The following NSUN6 variants were observed in gnomAD, a reference collection of about 807,000 sequenced individuals.
The protein encoded by NSUN6 is tRNA (cytosine(72)-C(5))-methyltransferase NSUN6.
NSUN6 carries 64 observed loss-of-function variants against 58.0 expected under a neutral mutation model. The ratio of observed to expected loss-of-function variants is 1.10; its 90% CI spans 0.90 to 1.36. NSUN6 has a LOEUF of 1.36. Among genes scored for constraint, NSUN6 ranks in the 40% most tolerant of loss-of-function variants. NSUN6 has a pLI of 0.00. For synonymous variants in NSUN6, 231 were observed against 193.9 expected, an observed-to-expected ratio of 1.19 and a Z score of -1.59; for missense variants, 701 against 550.1, an observed-to-expected ratio of 1.27 and a Z score of -2.74.
At chr10:18,659,027 C>G (rs1210056974), upstream of NSUN6, among the ~76,000 whole-genome samples, 1 of 152,190 alleles carries the variant, frequency 6.6e-6, no homozygotes, top group Non-Finnish European at 1.5e-5. Context: ...GAGCAGCAAA[C>G]GGCGGCTGCT....
intron 3 of NSUN6, among the ~76,000 whole-genome samples, chr10:18,630,790 C>T (rs2059003212): frequency 6.6e-6 from 1 of 152,142 alleles, no homozygotes; most frequent in Admixed American, 6.6e-5. Flanking sequence ...GAGTCCAGTA[C>T]CAGATGGATT....
intron 3 of NSUN6, among the ~76,000 whole-genome samples, chr10:18,634,167 CA>C (rs1477623635): frequency 2.6e-5 from 4 of 151,860 alleles, no homozygotes; most frequent in Non-Finnish European, 4.4e-5. Context: ...GTAAACCAAA[CA>C]AAAGGAAAAA....
chr10:18,631,056 T>C (rs2059013020), intron 3 of NSUN6, among the ~76,000 whole-genome samples: 1 of 152,078 alleles, frequency 6.6e-6, no homozygotes, highest in African/African-American at 2.4e-5. Flanking sequence ...TTATCCACCA[T>C]GATCAAGTGG....
intron 8 of NSUN6, among the ~76,000 whole-genome samples, chr10:18,573,822 C>T (rs565743354): frequency 2.5e-4 from 38 of 152,202 alleles, no homozygotes; most frequent in Admixed American, 2.2e-3. Flanking sequence ...GAGGGAATCA[C>T]GTCCCTACCC....
rs143012473 is a variant in NSUN6, at chr10:18,604,297, CT to C, written c.657+5547del. On this transcript the variant is annotated intron_variant, in intron 6 of 10. Coordinates refer to ENST00000377304, the MANE Select transcript of NSUN6 (RefSeq NM_182543.5). ...ACCTACATGTTTATACTTCAAGGAT[CT>C]AAGCAAGTTTCCACAATACACATTT... 8.8e-3 allele frequency among the ~76,000 whole-genome samples: 1,335 copies of C among 152,306 alleles called. 16 individuals are homozygous for C. Among genetic ancestry groups the C allele is most frequent in the South Asian group, 0.033 (160 of 4,828 alleles).
At chr10:18,636,978 TTG>T (rs1327604388) in intron 3 of NSUN6, among the ~76,000 whole-genome samples, 72 of 111,468 alleles carry the variant, frequency 6.5e-4, no homozygotes, top group Non-Finnish European at 1.1e-3. Context: ...TTTTTTTTTT[TTG>T]AGATGGAGTT....
At chr10:18,575,741 G>A (rs769135501) in intron 8 of NSUN6, among the ~76,000 whole-genome samples, 1 of 152,120 alleles carries the variant, frequency 6.6e-6, no homozygotes, top group African/African-American at 2.4e-5. Context: ...AAAGATACTG[G>A]TCTTTCTCCT....
intron 10 of NSUN6, among the ~76,000 whole-genome samples, chr10:18,547,774 T>C (rs917297541): frequency 2.0e-5 from 3 of 149,458 alleles, no homozygotes; most frequent in South Asian, 2.2e-4. Context: ...ACATTTTCCA[T>C]GTCAGAAAAA....
intron 1 of NSUN6, among the ~76,000 whole-genome samples, chr10:18,649,447 G>A (rs1053919633): frequency 3.3e-5 from 5 of 151,970 alleles, no homozygotes; most frequent in African/African-American, 1.2e-4. Flanking sequence ...GCAACATGGT[G>A]AAACCCCATC....
At chr10:18,654,026 A>T (rs530759213), upstream of NSUN6, among the ~76,000 whole-genome samples, 5 of 152,298 alleles carry the variant, frequency 3.3e-5, no homozygotes, top group Admixed American at 3.3e-4. Flanking sequence ...AGGGTATGGG[A>T]GAATTAGCAG....
At chr10:18,614,137 T>C (rs527943298) in intron 5 of NSUN6, among the ~76,000 whole-genome samples, 1 of 152,244 alleles carries the variant, frequency 6.6e-6, no homozygotes, top group South Asian at 2.1e-4. Context: ...ATGATCTGGA[T>C]AGATCATCTA....
rs753664099 is a variant in NSUN6 at position 18,614,580 on chromosome 10, G to C, written c.455C>G (p.Ser152Cys). ...MKAGDVISVY[S>C]DIKGKCKKGA... ...TTTCTTACATTTTCCTTTAATATCA[G>C]AGTATACAGAAATAACATCTCCAGC... is the stretch of plus-strand genomic sequence containing the variant. The change falls in exon 5 of 11, where the codon TCT becomes TGT. Residue 152 changes from serine to cysteine, a missense_variant. By Grantham distance (112) the Ser-to-Cys change is moderately radical. Transcript: ENST00000377304. 7 of 1,478,486 alleles carry C rather than the reference G, an allele frequency of 4.7e-6. No individual in the cohort carries two copies. In the Admixed American group the frequency reaches 8.9e-5, roughly 19 times the overall value. 91.6% of individuals were successfully genotyped at this position (1,478,486 alleles called of 1,614,324 possible).
At chr10:18,617,025 C>G (rs897816210) in intron 3 of NSUN6, among the ~76,000 whole-genome samples, 6 of 152,078 alleles carry the variant, frequency 3.9e-5, no homozygotes, top group African/African-American at 1.4e-4. Flanking sequence ...CCCAAACATT[C>G]TCATTGCTCA....
chr10:18,552,120 T>C (rs1471159742), intron 8 of NSUN6, 149 bp from the exon 9 acceptor site: 1 of 582,846 alleles, frequency 1.7e-6, no homozygotes, highest in Non-Finnish European at 3.0e-6. Flanking sequence ...TAAACTAATT[T>C]TGACTTATAC....
At chr10:18,626,357 C>T (rs1302495676) in intron 3 of NSUN6, among the ~76,000 whole-genome samples, 12 of 151,820 alleles carry the variant, frequency 7.9e-5, no homozygotes, top group African/African-American at 2.4e-4. Context: ...CTGGGCAACA[C>T]GGCGAGACCC....
chr10:18,651,238 G>A lies in NSUN6; in HGVS notation c.-35C>T, dbSNP rs751693000. On this transcript the variant is annotated 5_prime_UTR_variant, in exon 1 of 11. Transcript: ENST00000377304. ...TGTTTAGTTCTCCACCAAGAGAAAT[G>A]CTGGAAAACGGTGTTTTGTTTTTTT... 36 of 1,511,274 alleles carry A rather than the reference G, an allele frequency of 2.4e-5. No homozygotes were observed. Among genetic ancestry groups the A allele is most frequent in the Non-Finnish European group, 3.1e-5 (35 of 1,135,724 alleles). The allele number at this position is 1,511,274 out of a possible 1,614,324, so 93.6% of individuals were successfully genotyped here.
intron 3 of NSUN6, among the ~76,000 whole-genome samples, chr10:18,627,433 C>T (rs1423799286): frequency 6.6e-6 from 1 of 152,178 alleles, no homozygotes; most frequent in Admixed American, 6.5e-5. Context: ...AGGAACAGCT[C>T]CGGTCTACAG....
intron 8 of NSUN6, among the ~76,000 whole-genome samples, chr10:18,554,436 G>A (rs1211627949): frequency 6.6e-6 from 1 of 150,948 alleles, no homozygotes; most frequent in South Asian, 2.1e-4. Flanking sequence ...AACGGACAAC[G>A]GAATGGAATG....
At chr10:18,590,568 A>G (rs921302892) in intron 7 of NSUN6, among the ~76,000 whole-genome samples, 2 of 152,258 alleles carry the variant, frequency 1.3e-5, no homozygotes, top group Non-Finnish European at 2.9e-5. Flanking sequence ...CTCAGACCAC[A>G]GTGCAATCAA....
Sources: gnomAD v4.1 joint callset for allele counts (sites outside exome capture counted in the v4.1 genomes callset) on GRCh38, gnomAD v4.1.1 for gene constraint, MANE v1.5 for transcripts, NCBI Gene and HGNC (gene_info 2026-07-23, HGNC 2026-07-21) for gene names.